Variants in MOSPD2 observed in about 807,000 individuals in gnomAD.
The protein encoded by MOSPD2 is motile sperm domain containing 2.
In MOSPD2, 5 loss-of-function variants were observed where a neutral mutation model predicts 41.7. The ratio of observed to expected loss-of-function variants is 0.12; its 90% CI spans 0.06 to 0.25. The LOEUF (loss-of-function observed/expected upper bound fraction) is 0.25. MOSPD2 is among the 10% of genes least tolerant of loss of function. The pLI, the probability that MOSPD2 is intolerant of heterozygous loss-of-function variation, is 1.00. For missense variants in MOSPD2, 282 were observed against 375.2 expected (o/e 0.75, Z 2.05); for synonymous variants, 115 against 126.9 (o/e 0.91, Z 0.63).
At chrX:14,907,220 G>T (rs2092583893) in intron 7 of MOSPD2, among the ~76,000 whole-genome samples, 1 of 112,013 alleles carries the variant, frequency 8.9e-6, no homozygotes, top group Non-Finnish European at 1.9e-5. Context: ...CATAATAACA[G>T]GTATTGGCAA....
chrX:14,915,876 G>C, intron 12 of MOSPD2, 112 bp downstream of exon 12: 1 of 670,691 alleles, frequency 1.5e-6, no homozygotes, highest in Non-Finnish European at 2.3e-6. Flanking sequence ...GAAATTAGCA[G>C]AGTATCACGA....
chrX:14,877,633 G>T (rs994041745), intron 2 of MOSPD2, among the ~76,000 whole-genome samples: 1 of 103,591 alleles, frequency 9.7e-6, no homozygotes, highest in Non-Finnish European at 2.0e-5. Context: ...GAGCCACCAC[G>T]CCCGGCCTAC....
intron 7 of MOSPD2, among the ~76,000 whole-genome samples, chrX:14,905,837 A>G (rs2092581134): frequency 9.0e-6 from 1 of 111,305 alleles, no homozygotes; most frequent in African/African-American, 3.3e-5. Flanking sequence ...ATAATACCTA[A>G]CACAGTGTGA....
Position 14,920,354 on chromosome X carries a change from T to TA in MOSPD2, c.*546dup. 2.7e-6 allele frequency: 2 copies of TA among 753,615 alleles called. No individual in the cohort carries two copies. Among genetic ancestry groups the TA allele is most frequent in the Non-Finnish European group, 3.1e-6 (2 of 638,200 alleles). 62.1% of individuals were successfully genotyped at this position (753,615 alleles called of 1,213,427 possible). A position where few individuals can be genotyped will look rare whatever the true frequency, so the allele number is the denominator to read the frequency against. The stretch of plus-strand genomic sequence containing the variant: ...GAGAATTCCTCCCAGTGATGGTCAG[T>TA]ATTCTTTTGGAATGTAAACCGATTT... On this transcript the variant is annotated 3_prime_UTR_variant, in exon 15 of 15. Coordinates refer to ENST00000380492, the MANE Select transcript of MOSPD2 (RefSeq NM_152581.4).
chrX:14,921,492 A>G lies in MOSPD2; in HGVS notation c.*1683A>G, dbSNP rs1450529621. The G allele has an allele frequency of 2.7e-6, 2 of 735,100 alleles. No individual in the cohort carries two copies. The highest frequency in any genetic ancestry group is 4.5e-5 in the African/African-American group (2 of 44,925). The allele number at this position is 735,100 out of a possible 1,213,427, so 60.6% of individuals were successfully genotyped here. ...CTTACATGGTAGATTTTTGGCCTTAATATAATCTAATCCCAAAGTAGTTGT... is the reference window on the plus strand; with the variant it reads ...CTTACATGGTAGATTTTTGGCCTTAGTATAATCTAATCCCAAAGTAGTTGT... On this transcript the variant is annotated 3_prime_UTR_variant, in exon 15 of 15. Coordinates refer to ENST00000380492, the MANE Select transcript of MOSPD2 (RefSeq NM_152581.4).
chrX:14,895,544 G>A (rs2092561543), intron 4 of MOSPD2, 150 bp downstream of exon 4: 1 of 417,752 alleles, frequency 2.4e-6, no homozygotes, highest in Admixed American at 4.7e-5. Context: ...TTTTTACAGA[G>A]TGTTAGATAC....
rs768727860 is a variant in MOSPD2 at position 14,911,423 on chromosome X, T to C, written c.879+10T>C. 2.6e-6 allele frequency: 3 copies of C among 1,134,032 alleles called. No homozygotes were observed. The South Asian group carries it at 5.9e-5, about 22-fold the overall frequency. 93.5% of individuals were successfully genotyped at this position (1,134,032 alleles called of 1,213,427 possible). A position where few individuals can be genotyped will look rare whatever the true frequency, so the allele number is the denominator to read the frequency against. ...ACCTCTTCTTAAAAAGGTAACTTTA[T>C]AAATAAAATGAAACTGAATCACAAG... is the stretch of plus-strand genomic sequence containing the variant. On this transcript the variant is annotated intron_variant, in intron 9 of 14. Coordinates refer to ENST00000380492, the MANE Select transcript of MOSPD2 (RefSeq NM_152581.4).
chrX:14,878,346 G>GTGTTA (rs1428170319), intron 2 of MOSPD2, among the ~76,000 whole-genome samples: 2 of 112,018 alleles, frequency 1.8e-5, no homozygotes, highest in African/African-American at 6.5e-5. Flanking sequence ...TTGTAGGAGA[G>GTGTTA]TGTTAGTCTT....
At chrX:14,888,765 G>GTT (rs2092547791) in intron 2 of MOSPD2, among the ~76,000 whole-genome samples, 1 of 108,176 alleles carries the variant, frequency 9.2e-6, no homozygotes, top group Non-Finnish European at 1.9e-5. Flanking sequence ...TCCTAGGGGT[G>GTT]TGTGTGTGTG....
chrX:14,916,434 C>A, intron 13 of MOSPD2, 108 bp downstream of exon 13: 1 of 1,110,537 alleles, frequency 9.0e-7, no homozygotes, highest in Non-Finnish European at 1.2e-6. Flanking sequence ...CTGCTGGGTG[C>A]CCTGCAAGGC....
intron 6 of MOSPD2, among the ~76,000 whole-genome samples, chrX:14,901,416 G>A (rs756474617): frequency 8.1e-5 from 9 of 111,037 alleles, no homozygotes; most frequent in Non-Finnish European, 1.7e-4. Flanking sequence ...CAGCAAATTG[G>A]GTCTTTTGGG....
At chrX:14,889,122 A>G (rs1167208612) in intron 2 of MOSPD2, among the ~76,000 whole-genome samples, 1 of 111,385 alleles carries the variant, frequency 9.0e-6, no homozygotes, top group Non-Finnish European at 1.9e-5. Flanking sequence ...AGAGGAGGAC[A>G]CTGCCGCATG....
rs1456524259 is a variant in MOSPD2, at chrX:14,888,195, TACACACACACGC to T, written c.80-4517_80-4506del. Among the ~76,000 whole-genome samples, 670 of 88,748 alleles carry T rather than the reference TACACACACACGC, an allele frequency of 7.5e-3. 6 individuals are homozygous for T. Among genetic ancestry groups the T allele is most frequent in the South Asian group, 0.01 (19 of 1,831 alleles). 77.1% of individuals were successfully genotyped at this position (88,748 alleles called of 115,157 possible). Reference sequence around the variant, plus strand: ...TGAGGACAAGTATTGGGAGAATATATACACACACACGCACACACACACACACACACACACACA... The same window carrying T: ...TGAGGACAAGTATTGGGAGAATATATACACACACACACACACACACACACA... On this transcript the variant is annotated intron_variant, in intron 2 of 14. Transcript: ENST00000380492.
Position 14,912,327 on chromosome X carries a change from T to C in MOSPD2, c.958T>C (p.Leu320=), listed in dbSNP as rs764946362. 36 of 1,175,480 alleles carry C rather than the reference T, an allele frequency of 3.1e-5. No individual in the cohort carries two copies. In the South Asian group the frequency reaches 4.2e-4, roughly 14 times the overall value. ...DSKVKAFKKP[L]SVFKGPLLHI... The stretch of plus-strand genomic sequence containing the variant: ...AAAAGTGAAAGCTTTCAAGAAACCA[T>C]TGAGTGTATTTAAAGGCCCCTTACT... The change falls in exon 10 of 15, where the codon TTG becomes CTG. Residue 320 remains leucine (L), a synonymous_variant. Transcript: ENST00000380492.
chrX:14,883,734 T>C (rs1194408042), intron 2 of MOSPD2, among the ~76,000 whole-genome samples: 1 of 111,048 alleles, frequency 9.0e-6, no homozygotes, highest in Non-Finnish European at 1.9e-5. Context: ...AGAAAACAGA[T>C]AAAAATGTGT....
chrX:14,915,726 C>T lies in MOSPD2; in HGVS notation c.1148C>T (p.Pro383Leu), dbSNP rs766405868. 7.5e-6 allele frequency: 9 copies of T among 1,207,537 alleles called. No homozygotes were observed. Among genetic ancestry groups the T allele is most frequent in the Admixed American group, 2.2e-5 (1 of 45,588 alleles). Residue 383 changes from proline (P) to leucine (L), a missense_variant, in exon 12 of 15, where the codon CCG becomes CTG. Pro to Leu is a moderately conservative substitution (Grantham distance 98). This residue lies in a region of MOSPD2 where 94 missense variants were observed against 102.1 expected (regional missense o/e 0.92). Coordinates refer to ENST00000380492, the MANE Select transcript of MOSPD2 (RefSeq NM_152581.4). ...RVKPSNSSCD[P>L]GASVDIVVSP... is the part of the protein sequence containing the mutation. ...AAGCCAAGCAATAGCAGCTGTGACC[C>T]GGGTGCATCAGTGGATATAGTTGTG...
At chrX:14,886,330 G>A (rs766696520) in intron 2 of MOSPD2, among the ~76,000 whole-genome samples, 4 of 110,539 alleles carry the variant, frequency 3.6e-5, no homozygotes, top group Non-Finnish European at 7.6e-5. Context: ...ATGAGGACCT[G>A]GAGAACAGTT....
rs1287024583 is a variant in MOSPD2 at position 14,920,791 on chromosome X, A to G, written c.*982A>G. 4.0e-6 allele frequency: 3 copies of G among 752,062 alleles called. No homozygotes were observed. The highest frequency in any genetic ancestry group is 2.3e-5 in the African/African-American group (1 of 43,112). 62.0% of individuals were successfully genotyped at this position (752,062 alleles called of 1,213,427 possible). A position where few individuals can be genotyped will look rare whatever the true frequency, so the allele number is the denominator to read the frequency against. On this transcript the variant is annotated 3_prime_UTR_variant, in exon 15 of 15. Coordinates refer to ENST00000380492, the MANE Select transcript of MOSPD2 (RefSeq NM_152581.4). ...GTTTGAGATGCTAAGCAGGATAATA[A>G]ATTTAGATTTTAAAATGTTCCCTGT...
intron 8 of MOSPD2, among the ~76,000 whole-genome samples, chrX:14,910,961 A>ACACAC (rs1569106062): frequency 4.6e-5 from 4 of 86,188 alleles, no homozygotes; most frequent in Non-Finnish European, 1.0e-4. Context: ...CACACACACA[A>ACACAC]ACAACATATA....
Sources: gnomAD v4.1 joint callset for allele counts (sites outside exome capture counted in the v4.1 genomes callset) on GRCh38, gnomAD v4.1.1 for gene constraint, gnomAD v4.1.1 regional missense constraint, MANE v1.5 for transcripts, NCBI Gene and HGNC (gene_info 2026-07-23, HGNC 2026-07-21) for gene names.